HDAC9: variants seen among roughly 807,000 people sequenced by gnomAD.
The protein encoded by HDAC9 is histone deacetylase 9, also known as MEF-2 interacting transcription repressor (MITR) protein.
Under a neutral mutation model 139.4 loss-of-function variants are expected in HDAC9, and 41 were observed. The observed-to-expected ratio is 0.29, with a 90% CI of 0.23 to 0.38. HDAC9 has a LOEUF of 0.38. Ranked by LOEUF, HDAC9 falls within the 10% of genes least tolerant of loss-of-function variation. The pLI, the probability that HDAC9 is intolerant of heterozygous loss-of-function variation, is 1.00. For synonymous variants in HDAC9, 517 were observed against 476.2 expected (o/e 1.09, Z -1.12); for missense variants, 1,147 against 1,297.0 (o/e 0.88, Z 1.78).
intron 22 of HDAC9, among the ~76,000 whole-genome samples, chr7:18,928,456 T>G (rs1473887403): frequency 6.6e-6 from 1 of 152,234 alleles, no homozygotes; most frequent in African/African-American, 2.4e-5. Flanking sequence ...AGAGCAAGGC[T>G]TCTTCCAACC....
In HDAC9 at chr7:19,001,903, ACAT is replaced by A. The variant is rs1786769919; in HGVS notation, c.*5842_*5844del. 1.3e-5 allele frequency: 2 copies of A among 152,118 alleles called. No homozygotes were observed. The highest frequency in any genetic ancestry group is 4.8e-5 in the African/African-American group (2 of 41,438). 9.4% of individuals were successfully genotyped at this position (152,118 alleles called of 1,614,324 possible). A position where few individuals can be genotyped will look rare whatever the true frequency, so the allele number is the denominator to read the frequency against. On this transcript the variant is annotated 3_prime_UTR_variant, in exon 26 of 26. Coordinates refer to ENST00000686413, the MANE Select transcript of HDAC9 (RefSeq NM_178425.4). ...CAATATTTAGTACTTTTGTGATTAA[ACAT>A]TCTAGACCAGGCTTGTTGATATGTA... is the stretch of plus-strand genomic sequence containing the variant.
chr7:18,722,729 C>A (rs1003380226), intron 12 of HDAC9, among the ~76,000 whole-genome samples: 1 of 152,102 alleles, frequency 6.6e-6, no homozygotes, highest in African/African-American at 2.4e-5. Context: ...TATTATAACT[C>A]TCCTTATACA....
intron 19 of HDAC9, among the ~76,000 whole-genome samples, chr7:18,832,064 C>A (rs1795893418): frequency 6.6e-6 from 1 of 152,136 alleles, no homozygotes; most frequent in Non-Finnish European, 1.5e-5. Flanking sequence ...ATTCCATGTT[C>A]CTTTCTGAGG....
chr7:18,722,012 A>T (rs139051803), intron 12 of HDAC9, among the ~76,000 whole-genome samples: 165 of 152,330 alleles, frequency 1.1e-3, no homozygotes, highest in Middle Eastern at 0.01. Flanking sequence ...ATATTGAGGA[A>T]TTTACAAAAT....
At chr7:18,537,955 G>T (rs1811442472) in intron 2 of HDAC9, among the ~76,000 whole-genome samples, 2 of 152,212 alleles carry the variant, frequency 1.3e-5, no homozygotes. Context: ...ACCTCAGGCA[G>T]CATCATCCTC....
At chr7:18,925,972 C>T (rs1804187788) in intron 22 of HDAC9, among the ~76,000 whole-genome samples, 1 of 152,036 alleles carries the variant, frequency 6.6e-6, no homozygotes, top group Admixed American at 6.6e-5. Flanking sequence ...TCCTCATCCA[C>T]TTCTTAAAAC....
At position 19,000,030 on chromosome 7, in the gene HDAC9, C is replaced by T. The variant is rs1008191292; in HGVS notation, c.*3968C>T. 4 of 152,164 alleles carry T rather than the reference C, an allele frequency of 2.6e-5. No homozygotes were observed. Among genetic ancestry groups the T allele is most frequent in the Middle Eastern group, 3.4e-3 (1 of 294 alleles). 9.4% of individuals were successfully genotyped at this position (152,164 alleles called of 1,614,324 possible). On this transcript the variant is annotated 3_prime_UTR_variant, in exon 26 of 26. Coordinates refer to ENST00000686413, the MANE Select transcript of HDAC9 (RefSeq NM_178425.4). ...TCCTGCTGAGAAAATAAGGGGAAAA[C>T]AAGATAGAAGTAAAAAACAACACAC...
At chr7:18,240,407 G>C (rs999263841) in intron 2 of HDAC9, among the ~76,000 whole-genome samples, 1 of 152,172 alleles carries the variant, frequency 6.6e-6, no homozygotes, top group East Asian at 1.9e-4. Context: ...TTTTTTAAAA[G>C]ATTGCAGTTA....
chr7:18,667,355 A>T (rs1490096349), intron 12 of HDAC9: 1 of 984,254 alleles, frequency 1.0e-6, no homozygotes. Context: ...AGTCAAAATC[A>T]GTTTGAAAAG....
intron 21 of HDAC9, among the ~76,000 whole-genome samples, chr7:18,868,355 A>G (rs1273409305): frequency 6.6e-6 from 1 of 152,208 alleles, no homozygotes; most frequent in East Asian, 1.9e-4. Flanking sequence ...CAGTATCTAC[A>G]TTAGAAGTCT....
At chr7:18,967,445 T>A (rs1205355836) in intron 24 of HDAC9, among the ~76,000 whole-genome samples, 1 of 151,368 alleles carries the variant, frequency 6.6e-6, no homozygotes, top group East Asian at 1.9e-4. Flanking sequence ...GATTATTCTA[T>A]ATTTTTCATT....
At position 18,858,516 on chromosome 7, in the gene HDAC9, A is replaced by G. The variant is rs573069516; in HGVS notation, c.2685-15962A>G. Among the ~76,000 whole-genome samples the G allele has an allele frequency of 1.3e-4, 20 of 152,276 alleles. No individual in the cohort carries two copies. In the South Asian group the frequency reaches 4.1e-3, roughly 32 times the overall value. Reference sequence around the variant, plus strand: ...CAATTATCTCCACCTAGTCCCTCCCATGACATGTGGGGATTATGGGAACTA... The same window carrying G: ...CAATTATCTCCACCTAGTCCCTCCCGTGACATGTGGGGATTATGGGAACTA... On this transcript the variant is annotated intron_variant, in intron 21 of 25. Transcript: ENST00000686413.
At chr7:18,529,047 G>A (rs544259027) in intron 2 of HDAC9, among the ~76,000 whole-genome samples, 35 of 152,076 alleles carry the variant, frequency 2.3e-4, no homozygotes, top group African/African-American at 7.2e-4. Flanking sequence ...CCAAACATTT[G>A]TCTGGGTATT....
At chr7:18,395,758 C>G (rs1164097304) in intron 1 of HDAC9, among the ~76,000 whole-genome samples, 1 of 152,096 alleles carries the variant, frequency 6.6e-6, no homozygotes, top group Non-Finnish European at 1.5e-5. Flanking sequence ...CCACTGTTCT[C>G]CCAAGGCCGT....
chr7:18,309,471 G>A (rs1250780215), intron 1 of HDAC9, among the ~76,000 whole-genome samples: 1 of 151,822 alleles, frequency 6.6e-6, no homozygotes, highest in African/African-American at 2.4e-5. Context: ...TTGTGAGTTA[G>A]AAAAAAAATG....
intron 1 of HDAC9, among the ~76,000 whole-genome samples, chr7:18,359,515 T>C (rs189584380): frequency 5.8e-4 from 89 of 152,268 alleles, no homozygotes; most frequent in African/African-American, 2.0e-3. Flanking sequence ...AAATTCAAAA[T>C]TGCATAAAAG....
chr7:18,939,809 A>G (rs1463109424), intron 23 of HDAC9, among the ~76,000 whole-genome samples: 1 of 152,208 alleles, frequency 6.6e-6, no homozygotes, highest in Non-Finnish European at 1.5e-5. Flanking sequence ...AGAACTCATT[A>G]TCTGGGATTT....
chr7:18,441,852 C>T (rs1270196175), intron 1 of HDAC9, among the ~76,000 whole-genome samples: 1 of 152,166 alleles, frequency 6.6e-6, no homozygotes, highest in Non-Finnish European at 1.5e-5. Context: ...ACTGCAAGCT[C>T]CGCCTCCCGG....
intron 22 of HDAC9, among the ~76,000 whole-genome samples, chr7:18,925,586 C>A (rs1804145433): frequency 6.6e-6 from 1 of 151,918 alleles, no homozygotes; most frequent in Non-Finnish European, 1.5e-5. Context: ...TAGTTTTACC[C>A]TGTGTAAAAC....
Sources: gnomAD v4.1 joint callset for allele counts (sites outside exome capture counted in the v4.1 genomes callset) on GRCh38, gnomAD v4.1.1 for gene constraint, MANE v1.5 for transcripts, NCBI Gene and HGNC (gene_info 2026-07-23, HGNC 2026-07-21) for gene names.